The following CELF2 variants were observed in gnomAD, a reference collection of about 807,000 sequenced individuals.
CELF2 encodes CUG triplet repeat RNA-binding protein 2.
In CELF2, 8 loss-of-function variants were observed where a neutral mutation model predicts 62.6. That is an observed-to-expected ratio of 0.13 (90% confidence interval 0.07 to 0.23). The LOEUF (loss-of-function observed/expected upper bound fraction) is 0.23. Ranked by LOEUF, CELF2 falls within the 10% of genes least tolerant of loss-of-function variation. The pLI is 1.00. For synonymous variants in CELF2, 258 were observed against 250.0 expected (o/e 1.03, Z -0.30); for missense variants, 333 against 671.0 (o/e 0.50, Z 5.56).
chr10:10,853,326 C>T (rs2059503525), intron 1 of CELF2, among the ~76,000 whole-genome samples: 1 of 152,054 alleles, frequency 6.6e-6, no homozygotes, highest in Non-Finnish European at 1.5e-5. Context: ...TTCTTGGTTG[C>T]TGTAATAACT....
At chr10:10,733,253 T>A in the CELF2 span, among the ~76,000 whole-genome samples, 2 of 152,280 alleles carry the variant, frequency 1.3e-5, no homozygotes, top group African/African-American at 2.4e-5. Flanking sequence ...AGATGTGCTA[T>A]TCTTGTTTGA....
chr10:10,729,385 T>C, the CELF2 span, among the ~76,000 whole-genome samples: 1 of 152,176 alleles, frequency 6.6e-6, no homozygotes, highest in African/African-American at 2.4e-5. Flanking sequence ...GAGGTGAGAA[T>C]TGGTAAAGAC....
chr10:11,176,159 A>G (rs1205146685), intron 2 of CELF2, among the ~76,000 whole-genome samples: 1 of 152,172 alleles, frequency 6.6e-6, no homozygotes, highest in Non-Finnish European at 1.5e-5. Context: ...TTTCGGTTAC[A>G]TGCCCGTATC....
chr10:10,520,795 GAGCTTTTA>G, the CELF2 span, among the ~76,000 whole-genome samples: 1 of 152,142 alleles, frequency 6.6e-6, no homozygotes, highest in African/African-American at 2.4e-5. Context: ...CAGAAGGCTT[GAGCTTTTA>G]ATACCTATTA....
chr10:11,183,757 G>C (rs1008892697), intron 2 of CELF2, among the ~76,000 whole-genome samples: 8 of 152,178 alleles, frequency 5.3e-5, no homozygotes, highest in Non-Finnish European at 1.0e-4. Context: ...CAGATCTTTT[G>C]CTCATTTTTT....
At chr10:10,955,608 G>A (rs2048805257) in intron 2 of CELF2, among the ~76,000 whole-genome samples, 1 of 152,208 alleles carries the variant, frequency 6.6e-6, no homozygotes, top group Non-Finnish European at 1.5e-5. Flanking sequence ...ATGGATGCAG[G>A]AGCTCAGGCT....
rs994020147 is a variant in CELF2 at position 11,316,975 on chromosome 10, A to G, written c.1096+2717A>G. 5.9e-5 allele frequency: 9 copies of G among 152,116 alleles called. No homozygotes were observed. Among genetic ancestry groups the G allele is most frequent in the Non-Finnish European group, 1.3e-4 (9 of 68,020 alleles). The allele number at this position is 152,116 out of a possible 1,614,324, so 9.4% of individuals were successfully genotyped here. A position where few individuals can be genotyped will look rare whatever the true frequency, so the allele number is the denominator to read the frequency against. On this transcript the variant is annotated intron_variant, in intron 10 of 12. Transcript: ENST00000633077. The surrounding 1 kb of genome is among the most constrained non-coding windows in gnomAD (Gnocchi z 4.4). Reference sequence around the variant, plus strand: ...TGACCATCAGAGTGTTCACCTCTGGATTTTTTCAGGGTTCCCTGAGCATGT... The same window carrying G: ...TGACCATCAGAGTGTTCACCTCTGGGTTTTTTCAGGGTTCCCTGAGCATGT...
chr10:11,148,039 C>G (rs542430713), intron 1 of CELF2, among the ~76,000 whole-genome samples: 1 of 152,328 alleles, frequency 6.6e-6, no homozygotes, highest in South Asian at 2.1e-4. Context: ...AGTACGAGAG[C>G]GCTGCTTGTT....
the CELF2 span, among the ~76,000 whole-genome samples, chr10:10,710,632 T>A: frequency 6.6e-6 from 1 of 152,040 alleles, no homozygotes; most frequent in Admixed American, 6.5e-5. Flanking sequence ...TTTTTTTTTC[T>A]CACTGTTGTT....
chr10:10,478,096 T>C, the CELF2 span, among the ~76,000 whole-genome samples: 1 of 152,108 alleles, frequency 6.6e-6, no homozygotes, highest in African/African-American at 2.4e-5. Flanking sequence ...TACATACCCT[T>C]CCAGGAAAAA....
the CELF2 span, among the ~76,000 whole-genome samples, chr10:10,549,239 G>A: frequency 5.3e-5 from 8 of 152,166 alleles, no homozygotes; most frequent in East Asian, 1.9e-4. Context: ...CCATTCTGGA[G>A]GCAGGAAGTC....
chr10:10,852,582 A>G (rs2059450840), intron 1 of CELF2, among the ~76,000 whole-genome samples: 2 of 152,192 alleles, frequency 1.3e-5, no homozygotes, highest in African/African-American at 4.8e-5. Flanking sequence ...GGAAGTAAAC[A>G]CACACAGACA....
At position 11,118,172 on chromosome 10, in the gene CELF2, G is replaced by T. The variant is rs560174323; in HGVS notation, c.75-47314G>T. On this transcript the variant is annotated intron_variant, in intron 1 of 12. Coordinates refer to ENST00000633077, the MANE Select transcript of CELF2 (RefSeq NM_001326342.2). ...AGTGAAGGTAATATATTTTAGTAGC[G>T]CCAACTGAGGGCTCATTGCCCAATT... Among the ~76,000 whole-genome samples, 5 of 151,996 alleles carry T rather than the reference G, an allele frequency of 3.3e-5. No homozygotes were observed. In the South Asian group the frequency reaches 1.0e-3, roughly 32 times the overall value.
At chr10:11,068,654 G>A (rs1480735115) in intron 1 of CELF2, among the ~76,000 whole-genome samples, 4 of 151,704 alleles carry the variant, frequency 2.6e-5, no homozygotes, top group Non-Finnish European at 4.4e-5. Context: ...TCTGCTTCCT[G>A]GGTTCACGCC....
intron 9 of CELF2, among the ~76,000 whole-genome samples, chr10:11,307,259 G>C (rs1412437458): frequency 2.6e-5 from 4 of 152,256 alleles, no homozygotes; most frequent in African/African-American, 4.8e-5. Flanking sequence ...CTGGATGGGG[G>C]CGCAGCAGGC....
intron 2 of CELF2, among the ~76,000 whole-genome samples, chr10:10,956,360 G>T (rs931391747): frequency 8.5e-5 from 13 of 152,170 alleles, no homozygotes; most frequent in Non-Finnish European, 1.5e-5. Flanking sequence ...TCACGAGGGG[G>T]AAGTGTTCCA....
rs1008796430 is a variant in CELF2 at position 11,302,292 on chromosome 10, C to T, written c.977-11847C>T. On this transcript the variant is annotated intron_variant, in intron 9 of 12. Coordinates refer to ENST00000633077, the MANE Select transcript of CELF2 (RefSeq NM_001326342.2). This position sits in a 1 kb window ranked among gnomAD's most constrained non-coding sequence, Gnocchi z 5.0. ...GTGATGGAATTTGACAGCACCGCAT[C>T]GGATAGTCCTGACACACGTGGTTCT... is the stretch of plus-strand genomic sequence containing the variant. Among the ~76,000 whole-genome samples, 6 of 152,200 alleles carry T rather than the reference C, an allele frequency of 3.9e-5. No homozygotes were observed. Among genetic ancestry groups the T allele is most frequent in the South Asian group, 4.1e-4 (2 of 4,834 alleles).
the CELF2 span, among the ~76,000 whole-genome samples, chr10:10,651,210 G>A: frequency 0.12 from 10,191 of 81,984 alleles, 1,125 homozygotes; most frequent in South Asian, 0.34. Context: ...CATCTGGCTC[G>A]GAGGGTCCTA....
At chr10:10,926,426 G>A (rs915002907) in intron 2 of CELF2, among the ~76,000 whole-genome samples, 7 of 152,118 alleles carry the variant, frequency 4.6e-5, no homozygotes, top group African/African-American at 1.7e-4. Context: ...ACGGATGTTG[G>A]TGTTTTGAGC....
Sources: allele counts gnomAD v4.1 joint callset (sites outside exome capture counted in the v4.1 genomes callset), GRCh38; gene constraint gnomAD v4.1.1; non-coding constraint Gnocchi (gnomAD v3.1); transcripts MANE v1.5; gene names NCBI Gene and HGNC (gene_info 2026-07-23, HGNC 2026-07-21).